STOX2: variants seen among roughly 807,000 people sequenced by gnomAD.
STOX2 encodes storkhead-box protein 2.
Under a neutral mutation model 60.9 loss-of-function variants are expected in STOX2, and 28 were observed. The observed-to-expected ratio is 0.46, with a 90% CI of 0.34 to 0.63. The LOEUF (loss-of-function observed/expected upper bound fraction) is 0.63. STOX2 is among the 30% of genes least tolerant of loss of function. STOX2 has a pLI of 0.01. For missense variants in STOX2, 1,024 were observed against 1,187.7 expected, an observed-to-expected ratio of 0.86 and a Z score of 2.03; for synonymous variants, 472 against 463.9, an observed-to-expected ratio of 1.02 and a Z score of -0.22.
At chr4:183,857,995 G>A (rs1490366218) in intron 1 of STOX2, among the ~76,000 whole-genome samples, 3 of 152,204 alleles carry the variant, frequency 2.0e-5, no homozygotes, top group African/African-American at 7.2e-5. Context: ...AGGCATTGGA[G>A]TAGAAGGATG....
intron 1 of STOX2, among the ~76,000 whole-genome samples, chr4:183,863,152 C>G (rs1249933118): frequency 6.6e-6 from 1 of 152,176 alleles, no homozygotes; most frequent in Non-Finnish European, 1.5e-5. Context: ...AAGAAGCGGT[C>G]CTGGGTGAGT....
chr4:183,939,557 G>C (rs1742693516), intron 1 of STOX2, among the ~76,000 whole-genome samples: 1 of 151,772 alleles, frequency 6.6e-6, no homozygotes, highest in Non-Finnish European at 1.5e-5. Context: ...TTAGATGTAC[G>C]CTTTTAGGGG....
chr4:183,960,932 G>C (rs748557315), intron 1 of STOX2, among the ~76,000 whole-genome samples: 4 of 152,206 alleles, frequency 2.6e-5, no homozygotes, highest in Non-Finnish European at 4.4e-5. Context: ...ATCTGGAAAT[G>C]TTTATGGTGG....
chr4:183,906,948 T>A lies in STOX2; in HGVS notation c.158T>A (p.Met53Lys), dbSNP rs1189950854. 5 of 1,542,386 alleles carry A rather than the reference T, an allele frequency of 3.2e-6. No individual in the cohort carries two copies. Among genetic ancestry groups the A allele is most frequent in the Admixed American group, 2.0e-5 (1 of 50,406 alleles). ...GCGCCCCAGGCTTCGCGGGGCTACA[T>A]GACATCAGGTTGGTTGGTGACCGCG... Reference protein sequence around the residue: ...AFAPQASRGYMTSGDVSPISM... With the variant: ...AFAPQASRGYKTSGDVSPISM... Residue 53 changes from methionine to lysine, a missense_variant, in exon 1 of 4, where the codon ATG (methionine) becomes AAG (lysine). Met to Lys is a moderately conservative substitution (Grantham distance 95). Transcript: ENST00000308497.
upstream of STOX2, among the ~76,000 whole-genome samples, chr4:183,901,600 T>TGTTTTG (rs1560871850): frequency 7.2e-6 from 1 of 137,938 alleles, no homozygotes; most frequent in African/African-American, 3.3e-5. Context: ...TTTGGGTATT[T>TGTTTTG]TTTTTTTTTT....
At chr4:183,819,537 AAG>A (rs1466141301) in intron 1 of STOX2, among the ~76,000 whole-genome samples, 1 of 132,736 alleles carries the variant, frequency 7.5e-6, no homozygotes, top group Non-Finnish European at 1.6e-5. Context: ...AGACCGTGGA[AAG>A]AGAGGGAGAG....
At position 183,985,114 on chromosome 4, in the gene STOX2, C is replaced by T. The variant is rs770998298; in HGVS notation, c.167-16211C>T. Reference sequence around the variant, plus strand: ...AGGGGCAGTCGTTAGGGGTCATAGACCCCAGCAGAAGCAACTTCTACGGGA... The same window carrying T: ...AGGGGCAGTCGTTAGGGGTCATAGATCCCAGCAGAAGCAACTTCTACGGGA... On this transcript the variant is annotated intron_variant, in intron 1 of 3. Transcript: ENST00000308497. Among the ~76,000 whole-genome samples the T allele has an allele frequency of 7.2e-5, 11 of 152,230 alleles. No homozygotes were observed. In the Middle Eastern group the frequency reaches 0.01, roughly 141 times the overall value.
chr4:183,879,147 G>C (rs1740897481), intron 1 of STOX2, among the ~76,000 whole-genome samples: 1 of 152,158 alleles, frequency 6.6e-6, no homozygotes, highest in African/African-American at 2.4e-5. Flanking sequence ...ACGTGTGTAT[G>C]GGGTGAAGGA....
At chr4:183,870,235 C>T (rs771112642) in intron 1 of STOX2, among the ~76,000 whole-genome samples, 34 of 152,222 alleles carry the variant, frequency 2.2e-4, no homozygotes, top group Admixed American at 1.8e-3. Context: ...TGGGAACTTG[C>T]GCGACATTTT....
intron 1 of STOX2, among the ~76,000 whole-genome samples, chr4:183,862,839 T>C (rs376661802): frequency 5.3e-5 from 8 of 152,274 alleles, no homozygotes; most frequent in Middle Eastern, 6.8e-3. Flanking sequence ...GACAGTGTGG[T>C]TTCCTTGTAA....
intron 1 of STOX2, among the ~76,000 whole-genome samples, chr4:183,885,251 T>C (rs937197201): frequency 2.0e-5 from 3 of 152,244 alleles, no homozygotes; most frequent in Admixed American, 2.0e-4. Context: ...GTTGTTGGTG[T>C]GTATTTGTTT....
chr4:184,010,459 C>G lies in STOX2; in HGVS notation c.1621C>G (p.Leu541Val), dbSNP rs1734097972. The G allele has an allele frequency of 6.2e-7, 1 of 1,613,756 alleles. No homozygotes were observed. Among genetic ancestry groups the G allele is most frequent in the African/African-American group, 1.3e-5 (1 of 74,938 alleles). ...TTTAAGGCCTGCACAGACCGTTAGT[C>G]TCCAAAGGGCTCACATTTCGTCCAC... ...STLRPAQTVSLQRAHISSTSY... is the reference protein window; with the variant it reads ...STLRPAQTVSVQRAHISSTSY... The change falls in exon 3 of 4, where the codon CTC (leucine) becomes GTC (valine). Residue 541 changes from leucine to valine, a missense_variant. This residue lies in a region of STOX2 where 922 missense variants were observed against 1,058.3 expected (regional missense o/e 0.87). Coordinates refer to ENST00000308497, the MANE Select transcript of STOX2 (RefSeq NM_020225.3). This position sits in a 1 kb window ranked among gnomAD's most constrained non-coding sequence, Gnocchi z 4.5.
intron 1 of STOX2, among the ~76,000 whole-genome samples, chr4:183,805,212 G>T (rs1012908423): frequency 3.3e-5 from 5 of 152,194 alleles, no homozygotes; most frequent in African/African-American, 1.2e-4. Flanking sequence ...AGTGTATGAG[G>T]TGGGCTTTAA....
Position 184,010,022 on chromosome 4 carries a change from G to C in STOX2, c.1184G>C (p.Arg395Thr), listed in dbSNP as rs2111247195. 6.2e-7 allele frequency: 1 copy of C among 1,613,958 alleles called. No individual in the cohort carries two copies. Among genetic ancestry groups the C allele is most frequent in the Non-Finnish European group, 8.5e-7 (1 of 1,179,866 alleles). The stretch of plus-strand genomic sequence containing the variant: ...TCACATCTGGATATCCCAGCTGAAA[G>C]AGAGTATGACTTTTGTGATCCTCTT... The part of the protein sequence containing the change: ...DGSHLDIPAE[R>T]EYDFCDPLTR... The change falls in exon 3 of 4, where the codon AGA (arginine) becomes ACA (threonine). Residue 395 changes from arginine to threonine, a missense_variant. Arg to Thr is a moderately conservative substitution (Grantham distance 71). Coordinates refer to ENST00000308497, the MANE Select transcript of STOX2 (RefSeq NM_020225.3). The surrounding 1 kb of genome is among the most constrained non-coding windows in gnomAD (Gnocchi z 4.5).
At chr4:183,997,426 G>A (rs928442497) in intron 1 of STOX2, among the ~76,000 whole-genome samples, 2 of 152,226 alleles carry the variant, frequency 1.3e-5, no homozygotes, top group African/African-American at 2.4e-5. Flanking sequence ...ACGTGGGCCC[G>A]TGTAGGCCTA....
rs755147300 is a variant in STOX2 at position 183,961,356 on chromosome 4, T to TTGCTGCTGCTGCTGC, written c.167-39953_167-39939dup. The stretch of plus-strand genomic sequence containing the variant: ...AAACACATCGAACGACAAGTGATGG[T>TTGCTGCTGCTGCTGC]TGCTGCTGCTGCTGCTGCTGCTGCT... On this transcript the variant is annotated intron_variant, in intron 1 of 3. Coordinates refer to ENST00000308497, the MANE Select transcript of STOX2 (RefSeq NM_020225.3). 8.4e-3 allele frequency among the ~76,000 whole-genome samples: 1,274 copies of TTGCTGCTGCTGCTGC among 151,708 alleles called. 17 individuals are homozygous for TTGCTGCTGCTGCTGC. Among genetic ancestry groups the TTGCTGCTGCTGCTGC allele is most frequent in the African/African-American group, 0.029 (1,182 of 41,312 alleles).
At chr4:183,911,894 A>T (rs1741792387) in intron 1 of STOX2, among the ~76,000 whole-genome samples, 1 of 152,232 alleles carries the variant, frequency 6.6e-6, no homozygotes, top group Non-Finnish European at 1.5e-5. Context: ...GGTATAAAGT[A>T]GAGGTTCTTC....
At chr4:183,975,497 CA>C in intron 1 of STOX2, among the ~76,000 whole-genome samples, 1 of 152,146 alleles carries the variant, frequency 6.6e-6, no homozygotes, top group Admixed American at 6.5e-5. Context: ...GAGGGCATAT[CA>C]CTATAGTCCC....
intron 1 of STOX2, among the ~76,000 whole-genome samples, chr4:183,857,894 G>A (rs1043770059): frequency 2.0e-5 from 3 of 152,156 alleles, no homozygotes; most frequent in Non-Finnish European, 4.4e-5. Context: ...CTGGGATAAT[G>A]ATAATTCATC....
Sources: allele counts gnomAD v4.1 joint callset (sites outside exome capture counted in the v4.1 genomes callset), GRCh38; gene constraint gnomAD v4.1.1; regional missense constraint gnomAD v4.1.1; non-coding constraint Gnocchi (gnomAD v3.1); transcripts MANE v1.5; gene names NCBI Gene and HGNC (gene_info 2026-07-23, HGNC 2026-07-21).